Variants in TAF13 observed in about 807,000 individuals in gnomAD.
The protein encoded by TAF13 is transcription initiation factor TFIID subunit 13.
TAF13 carries 9 observed loss-of-function variants against 18.7 expected under a neutral mutation model. The observed-to-expected ratio is 0.48, with a 90% CI of 0.29 to 0.84. The LOEUF is 0.84. Among genes scored for constraint, TAF13 ranks in the 40% least tolerant of loss-of-function variants. TAF13 has a pLI of 0.08. For synonymous variants in TAF13, 49 were observed against 44.1 expected (o/e 1.11, Z -0.44); for missense variants, 105 against 146.5 (o/e 0.72, Z 1.46).
At chr1:109,071,909 G>A (rs1225070108) in intron 2 of TAF13, among the ~76,000 whole-genome samples, 3 of 148,478 alleles carry the variant, frequency 2.0e-5, no homozygotes, top group Non-Finnish European at 3.0e-5. Context: ...CCAAGATTGC[G>A]CCATTACACT....
intron 1 of TAF13, 126 bp downstream of exon 1, chr1:109,075,795 G>A (rs1248891201): frequency 2.4e-6 from 3 of 1,243,932 alleles, no homozygotes; most frequent in South Asian, 1.2e-5. Flanking sequence ...TCCTTAGGGC[G>A]TGAAGTCCCC....
At chr1:109,065,485 TCACACACACAGA>T (rs905752949) in intron 3 of TAF13, among the ~76,000 whole-genome samples, 2 of 150,248 alleles carry the variant, frequency 1.3e-5, no homozygotes, top group African/African-American at 4.9e-5. Context: ...TGAGATCCTG[TCACACACACAGA>T]CACACACACA....
At chr1:109,071,483 A>AC (rs1664051522) in intron 2 of TAF13, among the ~76,000 whole-genome samples, 1 of 149,856 alleles carries the variant, frequency 6.7e-6, no homozygotes, top group East Asian at 2.0e-4. Flanking sequence ...GGTGGCATGC[A>AC]CCTATAGTCC....
chr1:109,071,960 ATATATATATATATATACACAC>A (rs1557985865), intron 2 of TAF13, among the ~76,000 whole-genome samples: 216 of 4,766 alleles, frequency 0.045, 6 homozygotes, highest in East Asian at 0.12. Flanking sequence ...AAAAGAAAAT[ATATATATATATATATACACAC>A]ATATATATAT....
At chr1:109,071,593 G>T (rs925576883) in intron 2 of TAF13, among the ~76,000 whole-genome samples, 2 of 151,896 alleles carry the variant, frequency 1.3e-5, no homozygotes, top group African/African-American at 2.4e-5. Context: ...CCCAGTGACA[G>T]AAGAGTGAGA....
chr1:109,068,056 G>A (rs576600475), intron 2 of TAF13, among the ~76,000 whole-genome samples: 1 of 152,268 alleles, frequency 6.6e-6, no homozygotes, highest in Non-Finnish European at 1.5e-5. Context: ...TGGTGTTGCA[G>A]TACAGCTTGC....
rs146748748 is a variant in TAF13 at position 109,066,790 on chromosome 1, C to T, written c.107-558G>A. On this transcript the variant is annotated intron_variant, in intron 2 of 3. Transcript: ENST00000338366. ...GGAGTGCAGTGGCACCATCTTGGCT[C>T]ACTGCAAGCTCCATCGCCTCCTGGG... Among the ~76,000 whole-genome samples the T allele has an allele frequency of 8.9e-3, 1,360 of 152,254 alleles. 22 individuals carry two copies. Among genetic ancestry groups the T allele is most frequent in the African/African-American group, 0.031 (1,303 of 41,560 alleles).
intron 2 of TAF13, among the ~76,000 whole-genome samples, chr1:109,073,762 A>G (rs902502709): frequency 3.0e-4 from 46 of 152,284 alleles, no homozygotes; most frequent in Middle Eastern, 6.8e-3. Context: ...AAGTGCTGAG[A>G]TTGCAGCCTC....
intron 2 of TAF13, among the ~76,000 whole-genome samples, chr1:109,071,679 G>A (rs911073699): frequency 5.3e-5 from 8 of 151,570 alleles, no homozygotes; most frequent in Non-Finnish European, 8.8e-5. Flanking sequence ...CTGAAGCTGG[G>A]CACGGTGGTT....
At chr1:109,075,878 G>C (rs1430602413) in intron 1 of TAF13, 43 bp downstream of exon 1, 2 of 1,613,978 alleles carry the variant, frequency 1.2e-6, no homozygotes, top group African/African-American at 1.3e-5. Flanking sequence ...TGAGCCCGAA[G>C]GAGTGAAGAA....
rs534049781 is a variant in TAF13 at position 109,067,942 on chromosome 1, C to T, written c.107-1710G>A. 1.1e-4 allele frequency among the ~76,000 whole-genome samples: 17 copies of T among 152,306 alleles called. No homozygotes were observed. The South Asian group carries it at 2.7e-3, about 24-fold the overall frequency. On this transcript the variant is annotated intron_variant, in intron 2 of 3. Coordinates refer to ENST00000338366, the MANE Select transcript of TAF13 (RefSeq NM_005645.4). ...TCTTTACTCATACCCACAACAGCAT[C>T]GCACTTGTTGGTAGTTGTAGTTTAG... is the stretch of plus-strand genomic sequence containing the variant.
intron 2 of TAF13, among the ~76,000 whole-genome samples, chr1:109,070,529 A>C (rs1022763957): frequency 7.2e-6 from 1 of 139,486 alleles, no homozygotes; most frequent in Non-Finnish European, 1.5e-5. Flanking sequence ...TGAGTAGTGG[A>C]ATTATAGGCA....
At chr1:109,067,256 G>A (rs1240288280) in intron 2 of TAF13, among the ~76,000 whole-genome samples, 1 of 151,936 alleles carries the variant, frequency 6.6e-6, no homozygotes, top group Non-Finnish European at 1.5e-5. Flanking sequence ...TCAGGAGTTT[G>A]AGACAAGCCT....
In TAF13 at chr1:109,075,926, G is replaced by T. The variant is rs1475314576; in HGVS notation, c.22C>A (p.Pro8Thr). ...GGACAGAGACGGTCACTCACCGTGG[G>T]GTCTTCTTCCTCATCTGCCATCCCA... MADEEEDPTFEEENEEIG... is the reference protein window; with the variant it reads MADEEEDTTFEEENEEIG... The change falls in exon 1 of 4, where the codon CCC becomes ACC. Residue 8 changes from proline (P) to threonine (T), a missense_variant. Physicochemically the swap from Pro to Thr is conservative, Grantham distance 38. Coordinates refer to ENST00000338366, the MANE Select transcript of TAF13 (RefSeq NM_005645.4). 6.2e-7 allele frequency: 1 copy of T among 1,614,222 alleles called. No homozygotes were observed. The highest frequency in any genetic ancestry group is 8.5e-7 in the Non-Finnish European group (1 of 1,180,038).
At chr1:109,074,020 C>T (rs904624165) in intron 2 of TAF13, among the ~76,000 whole-genome samples, 1 of 152,122 alleles carries the variant, frequency 6.6e-6, no homozygotes, top group African/African-American at 2.4e-5. Context: ...CGCCAGGCCG[C>T]CCGCATCTGG....
At chr1:109,065,208 G>A (rs760749522) in intron 3 of TAF13, among the ~76,000 whole-genome samples, 2 of 152,134 alleles carry the variant, frequency 1.3e-5, no homozygotes, top group East Asian at 1.9e-4. Flanking sequence ...ATACGGCATT[G>A]AGCCAGACAC....
intron 2 of TAF13, among the ~76,000 whole-genome samples, chr1:109,070,219 TTTTTTA>T (rs1664025536): frequency 7.6e-6 from 1 of 132,132 alleles, no homozygotes; most frequent in African/African-American, 2.6e-5. Flanking sequence ...GACGCTTTCT[TTTTTTA>T]TTTTTATTTT....
At chr1:109,069,861 AC>A (rs1396355543) in intron 2 of TAF13, among the ~76,000 whole-genome samples, 3 of 152,114 alleles carry the variant, frequency 2.0e-5, no homozygotes, top group South Asian at 2.1e-4. Flanking sequence ...GAGTAAAAAA[AC>A]AAACACAGGA....
intron 3 of TAF13, 132 bp downstream of exon 3, chr1:109,066,003 A>G (rs1663945502): frequency 1.5e-6 from 1 of 680,270 alleles, no homozygotes; most frequent in Admixed American, 3.1e-5. Flanking sequence ...ATAGTAACCA[A>G]TAACTTCTGC....
Sources: allele counts gnomAD v4.1 joint callset (sites outside exome capture counted in the v4.1 genomes callset), GRCh38; gene constraint gnomAD v4.1.1; transcripts MANE v1.5; gene names NCBI Gene and HGNC (gene_info 2026-07-23, HGNC 2026-07-21).